Variants in OSBPL10 observed in about 807,000 individuals in gnomAD.
The protein encoded by OSBPL10 is oxysterol binding protein like 10.
A neutral mutation model predicts 81.7 loss-of-function variants in OSBPL10; 49 were observed. That is an observed-to-expected ratio of 0.60 (90% CI 0.48 to 0.76). OSBPL10 has a LOEUF of 0.76. Among genes scored for constraint, OSBPL10 ranks in the 30% least tolerant of loss-of-function variants. The pLI, the probability that OSBPL10 is intolerant of heterozygous loss-of-function variation, is 0.00. For missense variants in OSBPL10, 923 were observed against 987.8 expected (o/e 0.93, Z 0.88); for synonymous variants, 419 against 383.6 (o/e 1.09, Z -1.08).
At chr3:31,853,193 T>A (rs988754780) in intron 3 of OSBPL10, among the ~76,000 whole-genome samples, 1 of 152,178 alleles carries the variant, frequency 6.6e-6, no homozygotes, top group Non-Finnish European at 1.5e-5. Flanking sequence ...TAGTCAGGCA[T>A]CAGCAACCTT....
chr3:31,736,646 T>C (rs776619359), intron 5 of OSBPL10, among the ~76,000 whole-genome samples: 3 of 152,216 alleles, frequency 2.0e-5, no homozygotes, highest in Non-Finnish European at 2.9e-5. Flanking sequence ...CTTTGCTTTA[T>C]TACACAAGCA....
At chr3:31,805,686 T>C (rs1459511342) in intron 4 of OSBPL10, among the ~76,000 whole-genome samples, 1 of 152,200 alleles carries the variant, frequency 6.6e-6, no homozygotes, top group African/African-American at 2.4e-5. Flanking sequence ...CACAATCTGA[T>C]GGTAGGCGCT....
intron 4 of OSBPL10, among the ~76,000 whole-genome samples, chr3:31,792,740 A>AGTGTGTGTGTGTGT (rs10575874): frequency 7.5e-6 from 1 of 133,606 alleles, no homozygotes. Context: ...CCAGACACAG[A>AGTGTGTGTGTGTGT]GTGTGTGTGT....
chr3:32,034,755 A>G (rs1234388401), intron 2 of OSBPL10, among the ~76,000 whole-genome samples: 1 of 152,254 alleles, frequency 6.6e-6, no homozygotes, highest in Non-Finnish European at 1.5e-5. Context: ...TAACAATTTC[A>G]TGGTCACTTT....
chr3:31,787,953 T>G (rs1698900638), intron 4 of OSBPL10, among the ~76,000 whole-genome samples: 2 of 152,254 alleles, frequency 1.3e-5, no homozygotes, highest in South Asian at 4.1e-4. Context: ...AAACAGAATA[T>G]AAATGGAAAC....
chr3:32,041,141 C>G (rs1289823142), intron 2 of OSBPL10, among the ~76,000 whole-genome samples: 1 of 152,102 alleles, frequency 6.6e-6, no homozygotes, highest in Non-Finnish European at 1.5e-5. Flanking sequence ...CCCCATGCCA[C>G]TCTAGAGACA....
At chr3:31,909,981 CCT>C (rs1491171258) in intron 1 of OSBPL10, among the ~76,000 whole-genome samples, 225 of 141,164 alleles carry the variant, frequency 1.6e-3, no homozygotes, top group African/African-American at 6.0e-3. Flanking sequence ...TGTCTCCTGG[CCT>C]TTTTTTTTTT....
intron 1 of OSBPL10, among the ~76,000 whole-genome samples, chr3:32,076,185 T>C (rs146103911): frequency 0.031 from 4,718 of 152,144 alleles, 188 homozygotes; most frequent in East Asian, 0.087. Context: ...CTGGCTAACA[T>C]GGTGAAACCC....
intron 4 of OSBPL10, among the ~76,000 whole-genome samples, chr3:31,824,354 T>G (rs1374172723): frequency 6.6e-6 from 1 of 152,190 alleles, no homozygotes; most frequent in Non-Finnish European, 1.5e-5. Context: ...CTTTGCAATT[T>G]AACCTAAATT....
At chr3:31,718,947 T>G (rs1696545778) in intron 6 of OSBPL10, 1 of 152,294 alleles carries the variant, frequency 6.6e-6, no homozygotes, top group Non-Finnish European at 1.5e-5. Context: ...CCTCTTCACA[T>G]GGTGCATTTC....
intron 4 of OSBPL10, among the ~76,000 whole-genome samples, chr3:31,775,756 C>G (rs756560574): frequency 2.0e-5 from 3 of 151,932 alleles, no homozygotes; most frequent in Non-Finnish European, 2.9e-5. Flanking sequence ...TAAGAGTAAT[C>G]TGGAATGACA....
rs866257793 is a variant in OSBPL10, at chr3:31,822,652, G to C, written c.729+7388C>G. Among the ~76,000 whole-genome samples, 12 of 152,052 alleles carry C rather than the reference G, an allele frequency of 7.9e-5. No homozygotes were observed. In the East Asian group the frequency reaches 9.7e-4, roughly 12 times the overall value. ...AAGGCCAGGTGCAGTGGCTCACCCC[G>C]TAATCCCAGCACTTCGGGAGGCCAA... On this transcript the variant is annotated intron_variant, in intron 4 of 11. Coordinates refer to ENST00000396556, the MANE Select transcript of OSBPL10 (RefSeq NM_017784.5).
At chr3:32,044,722 C>T (rs1379043863) in intron 2 of OSBPL10, among the ~76,000 whole-genome samples, 1 of 78,140 alleles carries the variant, frequency 1.3e-5, no homozygotes, top group Admixed American at 2.2e-4. Context: ...GCCTGGGCAA[C>T]AAGAGCGAAA....
intron 1 of OSBPL10, among the ~76,000 whole-genome samples, chr3:31,968,965 C>T (rs1441270270): frequency 6.6e-6 from 1 of 152,162 alleles, no homozygotes; most frequent in Non-Finnish European, 1.5e-5. Context: ...CTCAACGGCA[C>T]GTACTAGCAC....
At chr3:31,947,993 C>T (rs1255316941) in intron 1 of OSBPL10, among the ~76,000 whole-genome samples, 2 of 152,198 alleles carry the variant, frequency 1.3e-5, no homozygotes, top group Admixed American at 6.5e-5. Flanking sequence ...GTTGACTTCA[C>T]TAAGTGATGT....
chr3:31,830,573 T>C (rs1327623580), intron 3 of OSBPL10, among the ~76,000 whole-genome samples: 1 of 152,196 alleles, frequency 6.6e-6, no homozygotes, highest in African/African-American at 2.4e-5. Flanking sequence ...GTTCCTAGAA[T>C]GCCCTTCCTC....
intron 3 of OSBPL10, among the ~76,000 whole-genome samples, chr3:31,849,410 A>C (rs1258586845): frequency 6.6e-6 from 1 of 152,176 alleles, no homozygotes; most frequent in Non-Finnish European, 1.5e-5. Context: ...TTAGCGAGAA[A>C]ACTGAAGCCC....
intron 4 of OSBPL10, among the ~76,000 whole-genome samples, chr3:31,769,445 CAAA>C (rs1213069221): frequency 1.7e-3 from 18 of 10,816 alleles, no homozygotes; most frequent in African/African-American, 3.2e-3. Context: ...AACTCCATCT[CAAA>C]AAAAAAAAAA....
intron 4 of OSBPL10, among the ~76,000 whole-genome samples, chr3:31,750,762 C>G (rs4955195): frequency 0.45 from 68,837 of 151,854 alleles, 17,324 homozygotes; most frequent in East Asian, 0.75. Flanking sequence ...ATGCCATAAT[C>G]TTAAGATTTT....
Sources: gnomAD v4.1 joint callset for allele counts (sites outside exome capture counted in the v4.1 genomes callset) on GRCh38, gnomAD v4.1.1 for gene constraint, MANE v1.5 for transcripts, NCBI Gene and HGNC (gene_info 2026-07-23, HGNC 2026-07-21) for gene names.